Variants in KHDRBS2 observed in about 807,000 individuals in gnomAD.
KHDRBS2 encodes the protein KH domain-containing, RNA-binding, signal transduction-associated protein 2.
KHDRBS2 carries 26 observed loss-of-function variants against 44.3 expected under a neutral mutation model. That is an observed-to-expected ratio of 0.59 (90% CI 0.43 to 0.81). KHDRBS2 has a LOEUF of 0.81. Among genes scored for constraint, KHDRBS2 ranks in the 40% least tolerant of loss-of-function variants. KHDRBS2 has a pLI of 0.00. For missense variants in KHDRBS2, 476 were observed against 433.1 expected (o/e 1.10, Z -0.88); for synonymous variants, 194 against 151.1 (o/e 1.28, Z -2.08).
chr6:62,178,611 C>T (rs1344542311), intron 1 of KHDRBS2, among the ~76,000 whole-genome samples: 3 of 151,446 alleles, frequency 2.0e-5, no homozygotes, highest in African/African-American at 4.8e-5. Flanking sequence ...AGGAATGAGA[C>T]GTTAAAAGAC....
intron 4 of KHDRBS2, among the ~76,000 whole-genome samples, chr6:61,970,101 A>T (rs1771004311): frequency 6.6e-6 from 1 of 151,978 alleles, no homozygotes; most frequent in African/African-American, 2.4e-5. Context: ...TGTAGATAGA[A>T]ATAACATAAG....
intron 1 of KHDRBS2, among the ~76,000 whole-genome samples, chr6:62,188,853 C>T (rs1382703364): frequency 6.6e-6 from 1 of 152,150 alleles, no homozygotes; most frequent in Non-Finnish European, 1.5e-5. Flanking sequence ...GTGGCTCACG[C>T]CTGTAATCCT....
intron 6 of KHDRBS2, among the ~76,000 whole-genome samples, chr6:61,858,059 T>C (rs1650664609): frequency 6.6e-6 from 1 of 151,960 alleles, no homozygotes; most frequent in Admixed American, 6.6e-5. Flanking sequence ...GCATTCAAGA[T>C]TGACATCATG....
chr6:61,918,605 C>T lies in KHDRBS2; in HGVS notation c.484-17234G>A, dbSNP rs181440052. Among the ~76,000 whole-genome samples, 3 of 152,050 alleles carry T rather than the reference C, an allele frequency of 2.0e-5. No individual in the cohort carries two copies. The East Asian group carries it at 5.8e-4, about 29-fold the overall frequency. On this transcript the variant is annotated intron_variant, in intron 4 of 8. Coordinates refer to ENST00000281156, the MANE Select transcript of KHDRBS2 (RefSeq NM_152688.4). ...TCACCAGAACCCAACTATCTTGGAC[C>T]TCCAACCTTCAGAACTGTGTGTTGT...
At chr6:61,983,243 T>TC (rs1774330657) in intron 3 of KHDRBS2, among the ~76,000 whole-genome samples, 1 of 136,454 alleles carries the variant, frequency 7.3e-6, no homozygotes. Flanking sequence ...TTTCTTTTTT[T>TC]TTTTTTTTTT....
intron 6 of KHDRBS2, among the ~76,000 whole-genome samples, chr6:61,817,207 T>C (rs1023464025): frequency 3.3e-5 from 5 of 152,134 alleles, no homozygotes; most frequent in African/African-American, 1.2e-4. Flanking sequence ...ACATTACTGA[T>C]GATGGTGTTC....
At chr6:61,732,596 C>T (rs939011682) in intron 7 of KHDRBS2, 86 bp downstream of exon 7, 8 of 788,962 alleles carry the variant, frequency 1.0e-5, no homozygotes, top group African/African-American at 3.5e-5. Context: ...GAAATTCTCA[C>T]ATGATATAAT....
chr6:62,066,373 A>G (rs1466536678), intron 2 of KHDRBS2, among the ~76,000 whole-genome samples: 1 of 151,686 alleles, frequency 6.6e-6, no homozygotes, highest in African/African-American at 2.4e-5. Flanking sequence ...AATACTTAAC[A>G]GATATTTCTT....
chr6:62,280,450 C>T (rs1317135268), intron 1 of KHDRBS2, among the ~76,000 whole-genome samples: 1 of 152,142 alleles, frequency 6.6e-6, no homozygotes, highest in Non-Finnish European at 1.5e-5. Context: ...AGAAGGTCAA[C>T]AGTGGAAAGT....
the KHDRBS2 span, among the ~76,000 whole-genome samples, chr6:61,610,730 C>T: frequency 1.3e-5 from 2 of 152,180 alleles, no homozygotes; most frequent in Non-Finnish European, 2.9e-5. Context: ...TTTCCCAATG[C>T]CTTCTAAGAC....
intron 6 of KHDRBS2, among the ~76,000 whole-genome samples, chr6:61,847,568 T>C (rs565669367): frequency 6.9e-4 from 105 of 152,248 alleles, no homozygotes; most frequent in Admixed American, 1.4e-3. Flanking sequence ...ACTTGAGGAC[T>C]GGCTATTGTT....
At chr6:61,770,248 G>C (rs1780653596) in intron 6 of KHDRBS2, among the ~76,000 whole-genome samples, 1 of 152,162 alleles carries the variant, frequency 6.6e-6, no homozygotes, top group African/African-American at 2.4e-5. Context: ...AAACAGAGCA[G>C]AAAAACTGGA....
chr6:61,589,335 T>A, the KHDRBS2 span, among the ~76,000 whole-genome samples: 1 of 152,186 alleles, frequency 6.6e-6, no homozygotes, highest in Admixed American at 6.5e-5. Context: ...CTTTGACCTT[T>A]TAGATTCTCA....
chr6:62,121,718 A>C (rs1807689400), intron 2 of KHDRBS2, among the ~76,000 whole-genome samples: 1 of 152,126 alleles, frequency 6.6e-6, no homozygotes, highest in African/African-American at 2.4e-5. Flanking sequence ...TCCCTTCTAC[A>C]AGATATCACA....
rs1194708291 is a variant in KHDRBS2 at position 61,857,944 on chromosome 6, C to T, written c.810+36691G>A. 5.9e-5 allele frequency among the ~76,000 whole-genome samples: 9 copies of T among 151,802 alleles called. No individual in the cohort carries two copies. The East Asian group carries it at 7.7e-4, about 13-fold the overall frequency. ...ATGATTTAAAATTTATATTATAATA[C>T]GTCTATTATGGCACACTGTGTTATA... On this transcript the variant is annotated intron_variant, in intron 6 of 8. Transcript: ENST00000281156.
At chr6:62,231,658 A>AT (rs754755410) in intron 1 of KHDRBS2, among the ~76,000 whole-genome samples, 15 of 152,238 alleles carry the variant, frequency 9.9e-5, no homozygotes, top group African/African-American at 1.2e-4. Flanking sequence ...TAAATTATGC[A>AT]TATCAGGTGC....
At chr6:61,665,868 T>C in the KHDRBS2 span, among the ~76,000 whole-genome samples, 3 of 151,020 alleles carry the variant, frequency 2.0e-5, no homozygotes, top group Non-Finnish European at 4.4e-5. Flanking sequence ...TGCTTAGTTC[T>C]GAAATTTCTG....
intron 4 of KHDRBS2, among the ~76,000 whole-genome samples, chr6:61,942,484 G>C (rs886922224): frequency 2.0e-5 from 3 of 151,950 alleles, no homozygotes; most frequent in Non-Finnish European, 2.9e-5. Flanking sequence ...AGCAGAAAAT[G>C]AATGTTAAAA....
rs114444900 is a variant in KHDRBS2, at chr6:62,182,053, T to C, written c.92-4741A>G. On this transcript the variant is annotated intron_variant, in intron 1 of 8. Transcript: ENST00000281156. ...GAAGACACAAGAAAAAAGCATCATC[T>C]ATGAAGCAGGAAATAAGCCCCCACC... is the stretch of plus-strand genomic sequence containing the variant. Among the ~76,000 whole-genome samples the C allele has an allele frequency of 4.7e-3, 711 of 152,112 alleles. 6 individuals carry two copies. Among genetic ancestry groups the C allele is most frequent in the African/African-American group, 0.016 (677 of 41,542 alleles).
Sources: gnomAD v4.1 joint callset for allele counts (sites outside exome capture counted in the v4.1 genomes callset) on GRCh38, gnomAD v4.1.1 for gene constraint, MANE v1.5 for transcripts, NCBI Gene and HGNC (gene_info 2026-07-23, HGNC 2026-07-21) for gene names.